SCAPER: variants seen among roughly 807,000 people sequenced by gnomAD.
SCAPER encodes the protein S phase cyclin A-associated protein in the endoplasmic reticulum.
SCAPER carries 98 observed loss-of-function variants against 182.2 expected under a neutral mutation model. That is an observed-to-expected ratio of 0.54 (90% CI 0.46 to 0.64). SCAPER has a LOEUF of 0.64. Ranked by LOEUF, SCAPER falls within the 30% of genes least tolerant of loss-of-function variation. The probability of loss-of-function intolerance (pLI) is 0.00; values close to 1 mark genes in which losing one functional copy is unlikely to be tolerated. For synonymous variants in SCAPER, 605 were observed against 564.6 expected, an observed-to-expected ratio of 1.07 and a Z score of -1.01; for missense variants, 1,432 against 1,690.0, an observed-to-expected ratio of 0.85 and a Z score of 2.68.
chr15:76,739,018 T>C (rs2061420374), intron 15 of SCAPER, among the ~76,000 whole-genome samples: 1 of 152,222 alleles, frequency 6.6e-6, no homozygotes, highest in Non-Finnish European at 1.5e-5. Context: ...ACATTTTTTC[T>C]TGTCTTTAAC....
intron 5 of SCAPER, among the ~76,000 whole-genome samples, chr15:76,810,039 C>T (rs1264452565): frequency 2.6e-5 from 4 of 152,058 alleles, no homozygotes; most frequent in Non-Finnish European, 4.4e-5. Context: ...GTGATAAAGA[C>T]TTCCAAAGAC....
chr15:76,873,985 C>T (rs932285481), intron 2 of SCAPER, among the ~76,000 whole-genome samples: 8 of 151,896 alleles, frequency 5.3e-5, no homozygotes, highest in South Asian at 2.1e-4. Flanking sequence ...CCTCTGCTTC[C>T]GGGTTCCAGC....
At chr15:76,733,477 G>A in intron 15 of SCAPER, 93 bp from the exon 16 acceptor site, 1 of 1,437,894 alleles carries the variant, frequency 7.0e-7, no homozygotes, top group Admixed American at 2.2e-5. Context: ...GGCTGGGCGT[G>A]GTGGTTCACG....
At chr15:76,594,491 T>C (rs894510650) in intron 22 of SCAPER, among the ~76,000 whole-genome samples, 1 of 119,664 alleles carries the variant, frequency 8.4e-6, no homozygotes, top group African/African-American at 2.5e-5. Flanking sequence ...CCAGAGATAC[T>C]CCTCGAGAAG....
chr15:76,548,081 A>G (rs2045443852), intron 23 of SCAPER, among the ~76,000 whole-genome samples: 1 of 147,904 alleles, frequency 6.8e-6, no homozygotes, highest in Admixed American at 7.0e-5. Context: ...TTATAATTTT[A>G]TTCATAAAAT....
chr15:76,387,147 AGAG>A (rs1206129947), intron 27 of SCAPER, among the ~76,000 whole-genome samples: 1 of 152,230 alleles, frequency 6.6e-6, no homozygotes, highest in Admixed American at 6.5e-5. Context: ...GGTGTGAGAA[AGAG>A]GAGTGAAAAA....
intron 2 of SCAPER, among the ~76,000 whole-genome samples, chr15:76,874,657 A>G (rs1595869363): frequency 1.3e-5 from 2 of 152,288 alleles, no homozygotes; most frequent in Non-Finnish European, 2.9e-5. Flanking sequence ...AAAGGATATT[A>G]TAAATAAAAT....
intron 17 of SCAPER, among the ~76,000 whole-genome samples, chr15:76,727,481 C>T (rs907736620): frequency 6.6e-6 from 1 of 151,902 alleles, no homozygotes; most frequent in Non-Finnish European, 1.5e-5. Context: ...CCTTGCAGAT[C>T]AGTAGGGAAA....
chr15:76,410,935 T>C (rs1455918953), intron 26 of SCAPER, among the ~76,000 whole-genome samples: 9 of 152,196 alleles, frequency 5.9e-5, no homozygotes, highest in African/African-American at 2.2e-4. Context: ...GCTGTCACTG[T>C]GATTAATAAT....
chr15:76,874,673 C>G (rs1157951304), intron 2 of SCAPER, among the ~76,000 whole-genome samples: 3 of 152,050 alleles, frequency 2.0e-5, no homozygotes. Flanking sequence ...AAAATTGTAT[C>G]CGGTCAGTCA....
intron 1 of SCAPER, among the ~76,000 whole-genome samples, chr15:76,901,072 G>A (rs896286308): frequency 6.6e-6 from 1 of 152,072 alleles, no homozygotes; most frequent in Non-Finnish European, 1.5e-5. Flanking sequence ...TGGTAAAAAT[G>A]AGTAGTTTGT....
chr15:76,869,327 T>C (rs1012373946), intron 2 of SCAPER, among the ~76,000 whole-genome samples: 2 of 150,458 alleles, frequency 1.3e-5, no homozygotes, highest in Non-Finnish European at 3.0e-5. Context: ...AAAGAGACAA[T>C]CCACAGAGTG....
intron 23 of SCAPER, among the ~76,000 whole-genome samples, chr15:76,522,436 G>A (rs2042904590): frequency 6.6e-6 from 1 of 152,076 alleles, no homozygotes; most frequent in Non-Finnish European, 1.5e-5. Context: ...TAATTTTTAA[G>A]TTTTATATTT....
intron 27 of SCAPER, among the ~76,000 whole-genome samples, chr15:76,392,619 T>C (rs1347618970): frequency 6.6e-6 from 1 of 152,010 alleles, no homozygotes; most frequent in Non-Finnish European, 1.5e-5. Flanking sequence ...AACGCAGCAG[T>C]GCATCCCTGT....
chr15:76,792,591 C>T (rs573722523), intron 8 of SCAPER, among the ~76,000 whole-genome samples: 1 of 152,314 alleles, frequency 6.6e-6, no homozygotes, highest in Admixed American at 6.5e-5. Flanking sequence ...AGAAGCCTTG[C>T]AGCTTTCATT....
chr15:76,796,627 G>T (rs1263384861), intron 7 of SCAPER, among the ~76,000 whole-genome samples: 1 of 152,156 alleles, frequency 6.6e-6, no homozygotes, highest in Non-Finnish European at 1.5e-5. Context: ...TTAACCCAAT[G>T]ACACAGTTAC....
intron 2 of SCAPER, among the ~76,000 whole-genome samples, chr15:76,880,567 G>GT (rs2073467391): frequency 6.6e-6 from 1 of 152,012 alleles, no homozygotes; most frequent in African/African-American, 2.4e-5. Flanking sequence ...TCAGGTTTTT[G>GT]GACATATTCC....
chr15:76,408,132 T>C (rs1195811531), intron 26 of SCAPER, among the ~76,000 whole-genome samples: 1 of 152,188 alleles, frequency 6.6e-6, no homozygotes, highest in Non-Finnish European at 1.5e-5. Context: ...AACCACACAT[T>C]GTGACTGGTT....
chr15:76,543,535 T>C (rs1457827793), intron 23 of SCAPER, among the ~76,000 whole-genome samples: 1 of 152,312 alleles, frequency 6.6e-6, no homozygotes, highest in African/African-American at 2.4e-5. Context: ...ATGTTACCCC[T>C]AACTCCTACC....
Sources: allele counts gnomAD v4.1 joint callset (sites outside exome capture counted in the v4.1 genomes callset), GRCh38; gene constraint gnomAD v4.1.1; transcripts MANE v1.5; gene names NCBI Gene and HGNC (gene_info 2026-07-23, HGNC 2026-07-21).